The following DNAH3 variants were observed in gnomAD, a reference collection of about 807,000 sequenced individuals.
DNAH3 encodes the protein dynein axonemal heavy chain 3.
DNAH3 carries 332 observed loss-of-function variants against 432.5 expected under a neutral mutation model. The observed-to-expected ratio is 0.77, with a 90% CI of 0.70 to 0.84. The LOEUF (loss-of-function observed/expected upper bound fraction) is 0.84, where lower values mean the gene tolerates loss of function less well. Among genes scored for constraint, DNAH3 ranks in the 40% least tolerant of loss-of-function variants. DNAH3 has a pLI of 0.00. For missense variants in DNAH3, 4,861 were observed against 5,114.0 expected, an observed-to-expected ratio of 0.95 and a Z score of 1.51; for synonymous variants, 1,956 against 1,900.2, an observed-to-expected ratio of 1.03 and a Z score of -0.76.
chr16:21,090,952 G>C (rs974726080), intron 18 of DNAH3, among the ~76,000 whole-genome samples: 2 of 152,028 alleles, frequency 1.3e-5, no homozygotes, highest in African/African-American at 4.8e-5. Context: ...AGGCGTTCAA[G>C]ACCGGCCTGG....
chr16:21,142,383 A>C (rs1346193354), intron 3 of DNAH3, among the ~76,000 whole-genome samples: 1 of 152,178 alleles, frequency 6.6e-6, no homozygotes, highest in Non-Finnish European at 1.5e-5. Flanking sequence ...ATATACATAC[A>C]TACATACATG....
Position 21,075,465 on chromosome 16 carries a change from G to A in DNAH3, c.3066C>T (p.Phe1022=), listed in dbSNP as rs183246563. The A allele has an allele frequency of 1.9e-4, 311 of 1,613,766 alleles. 2 individuals carry two copies. Among genetic ancestry groups the A allele is most frequent in the Non-Finnish European group, 2.3e-4 (277 of 1,179,698 alleles). Residue 1022 remains phenylalanine (F), a synonymous_variant, in exon 21 of 62, where the codon TTC becomes TTT. Coordinates refer to ENST00000261383, the Ensembl canonical transcript of DNAH3. ...GACTCACAGTGTCCCTGTATTTCAC[G>A]AAGCTGAACGTCACGTTAACCCAAT...
At position 21,038,002 on chromosome 16, in the gene DNAH3, T is replaced by G. The variant is rs1341469225; in HGVS notation, c.4731-22A>C. 1.9e-6 allele frequency: 3 copies of G among 1,607,654 alleles called. No individual in the cohort carries two copies. In the East Asian group the frequency reaches 6.7e-5, roughly 36 times the overall value. On this transcript the variant is annotated intron_variant, in intron 33 of 61. Transcript: ENST00000261383. ...GAGACTAGAAGGGCAAAGACATGTA[T>G]GCGGACACCCAGAGAGGACTACGTC...
intron 50 of DNAH3, among the ~76,000 whole-genome samples, chr16:20,978,229 T>G (rs1332813348): frequency 6.6e-6 from 1 of 152,194 alleles, no homozygotes; most frequent in Non-Finnish European, 1.5e-5. Context: ...TTTTTTCTTC[T>G]TTTTTAAAGG....
chr16:21,140,032 G>A (rs1342874788), intron 5 of DNAH3, among the ~76,000 whole-genome samples: 2 of 145,378 alleles, frequency 1.4e-5, no homozygotes, highest in Admixed American at 6.9e-5. Context: ...TGATCCACCT[G>A]CCTCGGCCTC....
chr16:21,049,850 C>A, intron 30 of DNAH3, 60 bp downstream of exon 30: 1 of 1,457,806 alleles, frequency 6.9e-7, no homozygotes, highest in Non-Finnish European at 9.6e-7. Flanking sequence ...GCCTACTTCC[C>A]ACAGGAGGGG....
chr16:21,084,970 C>A (rs1015539723), intron 19 of DNAH3, among the ~76,000 whole-genome samples: 1 of 149,990 alleles, frequency 6.7e-6, no homozygotes, highest in Non-Finnish European at 1.5e-5. Context: ...ACCCCCCCAT[C>A]CCCCCGATGC....
chr16:21,125,476 C>A, intron 8 of DNAH3, 106 bp from the exon 10 acceptor site: 1 of 838,636 alleles, frequency 1.2e-6, no homozygotes. Context: ...CTCAATGTCC[C>A]ACCAAGCAGC....
intron 49 of DNAH3, among the ~76,000 whole-genome samples, chr16:20,981,096 C>T (rs1178318604): frequency 6.6e-6 from 1 of 152,144 alleles, no homozygotes; most frequent in African/African-American, 2.4e-5. Context: ...ACCATCAATT[C>T]GAAGAAAATT....
intron 20 of DNAH3, among the ~76,000 whole-genome samples, chr16:21,081,269 G>C (rs1363153070): frequency 6.6e-6 from 1 of 151,926 alleles, no homozygotes; most frequent in Non-Finnish European, 1.5e-5. Flanking sequence ...AAAGCTCAGA[G>C]ACGGTTGTTG....
intron 1 of DNAH3, among the ~76,000 whole-genome samples, chr16:21,152,371 C>A (rs1355536097): frequency 2.0e-5 from 3 of 152,242 alleles, no homozygotes; most frequent in Non-Finnish European, 4.4e-5. Flanking sequence ...CCTACCTGTC[C>A]AGAACACAAA....
intron 44 of DNAH3, among the ~76,000 whole-genome samples, chr16:20,993,258 C>A (rs570546921): frequency 2.6e-5 from 4 of 152,170 alleles, no homozygotes; most frequent in Admixed American, 1.3e-4. Flanking sequence ...ATAGAAAATT[C>A]TACGTTTTCA....
intron 9 of DNAH3, among the ~76,000 whole-genome samples, chr16:21,124,593 T>C (rs1425790939): frequency 3.3e-5 from 5 of 152,194 alleles, no homozygotes; most frequent in Non-Finnish European, 5.9e-5. Context: ...ATACATATAA[T>C]GTATAGTGGT....
rs147656718 is a variant in DNAH3 at position 21,036,840 on chromosome 16, T to C, written c.4959A>G (p.Ile1653Met). 5,960 of 1,608,500 alleles carry C rather than the reference T, an allele frequency of 3.7e-3. 12 individuals are homozygous for C. The highest frequency in any genetic ancestry group is 4.6e-3 in the Non-Finnish European group (5,463 of 1,176,232). ...GAACAACTCCAGGAAATAAATCAGATATAATTCCCTGTTAAAAAGAATTTA... is the reference window on the plus strand; with the variant it reads ...GAACAACTCCAGGAAATAAATCAGACATAATTCCCTGTTAAAAAGAATTTA... The change falls in exon 35 of 62, where the codon ATA (isoleucine) becomes ATG (methionine). Residue 1653 changes from isoleucine to methionine, a missense_variant. Coordinates refer to ENST00000261383, the Ensembl canonical transcript of DNAH3.
chr16:21,030,658 G>A (rs547917170), intron 37 of DNAH3, among the ~76,000 whole-genome samples: 1 of 152,216 alleles, frequency 6.6e-6, no homozygotes, highest in Non-Finnish European at 1.5e-5. Context: ...TATCCCGCAG[G>A]TACTATGTGC....
chr16:21,039,991 T>C (rs759870259), intron 32 of DNAH3, 48 bp from the exon 33 acceptor site: 5 of 1,445,010 alleles, frequency 3.5e-6, no homozygotes, highest in Admixed American at 3.4e-5. Flanking sequence ...CAGTGAATAC[T>C]GAGGGAACGC....
chr16:20,975,547 T>C, intron 50 of DNAH3, 132 bp from the exon 51 acceptor site: 2 of 860,546 alleles, frequency 2.3e-6, no homozygotes, highest in Non-Finnish European at 3.5e-6. Flanking sequence ...TGGTCCTGGG[T>C]ACAGATTCGT....
chr16:21,035,501 C>T (rs1053303257), intron 35 of DNAH3, among the ~76,000 whole-genome samples: 6 of 151,790 alleles, frequency 4.0e-5, no homozygotes, highest in Non-Finnish European at 5.9e-5. Flanking sequence ...TCTGTAGATC[C>T]GCAAATTACT....
intron 31 of DNAH3, among the ~76,000 whole-genome samples, chr16:21,042,522 A>G (rs1302329826): frequency 6.6e-6 from 1 of 151,876 alleles, no homozygotes; most frequent in African/African-American, 2.4e-5. Flanking sequence ...ATATTTCCTG[A>G]TCTTTATTCA....
Sources: gnomAD v4.1 joint callset for allele counts (sites outside exome capture counted in the v4.1 genomes callset) on GRCh38, gnomAD v4.1.1 for gene constraint, MANE v1.5 for transcripts, NCBI Gene and HGNC (gene_info 2026-07-23, HGNC 2026-07-21) for gene names.